Variants in ANKS1B observed in about 807,000 individuals in gnomAD.
The protein encoded by ANKS1B is ankyrin repeat and sterile alpha motif domain-containing protein 1B.
A neutral mutation model predicts 148.3 loss-of-function variants in ANKS1B; 36 were observed. The observed-to-expected ratio is 0.24, with a 90% CI of 0.19 to 0.32. The LOEUF (loss-of-function observed/expected upper bound fraction) is 0.32. Among genes scored for constraint, ANKS1B ranks in the 10% least tolerant of loss-of-function variants. The probability of loss-of-function intolerance (pLI) is 1.00; values close to 1 mark genes in which losing one functional copy is unlikely to be tolerated. For synonymous variants in ANKS1B, 542 were observed against 560.8 expected (o/e 0.97, Z 0.47); for missense variants, 1,157 against 1,542.6 (o/e 0.75, Z 4.19).
chr12:99,247,529 C>A (rs986708284), intron 12 of ANKS1B, among the ~76,000 whole-genome samples: 1 of 152,094 alleles, frequency 6.6e-6, no homozygotes, highest in African/African-American at 2.4e-5. Flanking sequence ...TAGCTATGAA[C>A]ACAAAGGTAG....
In ANKS1B at chr12:99,655,136, T is replaced by G; in HGVS notation, c.1203A>C (p.Pro401=). ...GAGTTAATGCTTCCCAAAGTCCTGATGGCCCACACGTATTTTCATCATCAT... is the reference window on the plus strand; with the variant it reads ...GAGTTAATGCTTCCCAAAGTCCTGAGGGCCCACACGTATTTTCATCATCAT... ...EEDDDENTCG[P]SGLWEALTPC... is the part of the protein sequence containing the mutation. Residue 401 remains proline (P), a synonymous_variant, in exon 9 of 27, where the codon CCA becomes CCC. Transcript: ENST00000683438. The G allele has an allele frequency of 1.2e-6, 2 of 1,612,986 alleles. No homozygotes were observed. The highest frequency in any genetic ancestry group is 8.5e-7 in the Non-Finnish European group (1 of 1,179,300).
At chr12:98,952,900 C>T (rs2099856217) in intron 17 of ANKS1B, among the ~76,000 whole-genome samples, 1 of 152,116 alleles carries the variant, frequency 6.6e-6, no homozygotes, top group Non-Finnish European at 1.5e-5. Flanking sequence ...ATCCCACTGC[C>T]CATGCTGGAG....
chr12:98,801,141 A>T lies in ANKS1B; in HGVS notation c.3142-16T>A, dbSNP rs2099001822. 1.2e-6 allele frequency: 2 copies of T among 1,610,622 alleles called. No homozygotes were observed. The highest frequency in any genetic ancestry group is 1.7e-5 in the Admixed American group (1 of 59,704). On this transcript the variant is annotated splice_polypyrimidine_tract_variant and intron_variant, in intron 20 of 26. Coordinates refer to ENST00000683438, the MANE Select transcript of ANKS1B (RefSeq NM_001352186.2). The surrounding 1 kb of genome is among the most constrained non-coding windows in gnomAD (Gnocchi z 5.2). ...AGTCTCCTGTCTGAAAATGACATTT[A>T]TTCTAGAGGCAATATGAGCAGTCAG...
intron 1 of ANKS1B, among the ~76,000 whole-genome samples, chr12:99,871,833 G>A (rs2153729040): frequency 6.6e-6 from 1 of 152,096 alleles, no homozygotes; most frequent in South Asian, 2.1e-4. Flanking sequence ...AATGTTCTAG[G>A]TATAGAATCA....
intron 17 of ANKS1B, among the ~76,000 whole-genome samples, chr12:98,838,349 AAC>A (rs1325083022): frequency 6.6e-6 from 1 of 152,252 alleles, no homozygotes; most frequent in Non-Finnish European, 1.5e-5. Flanking sequence ...GTCATGTAGC[AAC>A]AGTCTGTCTC....
chr12:99,212,679 CTT>C (rs528330428), intron 14 of ANKS1B, among the ~76,000 whole-genome samples: 4 of 152,166 alleles, frequency 2.6e-5, no homozygotes, highest in African/African-American at 9.7e-5. Context: ...TTTATACTAA[CTT>C]ATCATTTTTG....
At chr12:98,878,244 C>A (rs2099696744) in intron 17 of ANKS1B, among the ~76,000 whole-genome samples, 2 of 150,218 alleles carry the variant, frequency 1.3e-5, no homozygotes, top group Admixed American at 1.3e-4. Flanking sequence ...AAAAAAAACA[C>A]CTCACTCTGG....
intron 9 of ANKS1B, among the ~76,000 whole-genome samples, chr12:99,578,237 T>A (rs2097537081): frequency 1.3e-5 from 2 of 152,192 alleles, no homozygotes; most frequent in African/African-American, 4.8e-5. Flanking sequence ...AAGAGTCATC[T>A]ATGACAAACC....
intron 15 of ANKS1B, among the ~76,000 whole-genome samples, chr12:99,095,757 G>T (rs898002339): frequency 6.6e-6 from 1 of 152,170 alleles, no homozygotes; most frequent in African/African-American, 2.4e-5. Flanking sequence ...AAGAATAGCA[G>T]AGAAGGGATA....
intron 24 of ANKS1B, 146 bp from the exon 25 acceptor site, chr12:98,773,325 T>C (rs1321830379): frequency 1.8e-5 from 16 of 882,124 alleles, no homozygotes; most frequent in Middle Eastern, 3.2e-4. Flanking sequence ...ACTATATTAT[T>C]TGTGGGTAAA....
At chr12:99,349,849 C>T (rs977664309) in intron 12 of ANKS1B, among the ~76,000 whole-genome samples, 4 of 151,954 alleles carry the variant, frequency 2.6e-5, no homozygotes, top group Non-Finnish European at 4.4e-5. Flanking sequence ...AAATACAGAA[C>T]ATTCTCTGGA....
chr12:98,980,772 T>C (rs953495145), intron 17 of ANKS1B, among the ~76,000 whole-genome samples: 3 of 152,184 alleles, frequency 2.0e-5, no homozygotes, highest in African/African-American at 7.2e-5. Flanking sequence ...GCCCCTCAGC[T>C]TCTAGCCTGA....
rs185289755 is a variant in ANKS1B, at chr12:99,665,279, T to A, written c.1129-10069A>T. 4.3e-3 allele frequency among the ~76,000 whole-genome samples: 658 copies of A among 152,300 alleles called. 17 individuals carry two copies. The highest frequency in any genetic ancestry group is 1.1e-3 in the Non-Finnish European group (74 of 68,024). On this transcript the variant is annotated intron_variant, in intron 8 of 26. Coordinates refer to ENST00000683438, the MANE Select transcript of ANKS1B (RefSeq NM_001352186.2). ...CTCCACATTCTTGGCAACACTTAAT[T>A]TTAGTTATTCTAATGGGTATGCATG...
intron 11 of ANKS1B, among the ~76,000 whole-genome samples, chr12:99,424,293 T>C (rs1309097123): frequency 1.3e-5 from 2 of 152,132 alleles, no homozygotes; most frequent in Admixed American, 6.5e-5. Flanking sequence ...CCATGAAGGA[T>C]TGAAAGATTC....
intron 25 of ANKS1B, among the ~76,000 whole-genome samples, chr12:98,762,815 T>G (rs993603988): frequency 6.6e-6 from 1 of 152,264 alleles, no homozygotes; most frequent in Non-Finnish European, 1.5e-5. Flanking sequence ...ATTCCCCCAG[T>G]TGACTGAGCT....
chr12:98,807,514 G>GTATA (rs61337017), intron 20 of ANKS1B, among the ~76,000 whole-genome samples: 21 of 150,658 alleles, frequency 1.4e-4, no homozygotes, highest in Middle Eastern at 3.5e-3. Context: ...ATACATGTGT[G>GTATA]TATATATATA....
intron 9 of ANKS1B, among the ~76,000 whole-genome samples, chr12:99,531,774 G>T (rs1180441546): frequency 6.6e-6 from 1 of 152,160 alleles, no homozygotes; most frequent in Non-Finnish European, 1.5e-5. Flanking sequence ...CTGAAAAGTT[G>T]CCACACTGTT....
At chr12:99,295,674 T>TG (rs1208502128) in intron 12 of ANKS1B, among the ~76,000 whole-genome samples, 2 of 152,172 alleles carry the variant, frequency 1.3e-5, no homozygotes, top group Admixed American at 1.3e-4. Context: ...ACTTGCGTCA[T>TG]GGGGGTTTGT....
chr12:99,201,475 T>C (rs373261378), intron 14 of ANKS1B, among the ~76,000 whole-genome samples: 7 of 152,196 alleles, frequency 4.6e-5, no homozygotes, highest in East Asian at 3.9e-4. Flanking sequence ...GGTATAGATT[T>C]AGTTTTTTAA....
Sources: gnomAD v4.1 joint callset for allele counts (sites outside exome capture counted in the v4.1 genomes callset) on GRCh38, gnomAD v4.1.1 for gene constraint, Gnocchi (gnomAD v3.1) non-coding constraint, MANE v1.5 for transcripts, NCBI Gene and HGNC (gene_info 2026-07-23, HGNC 2026-07-21) for gene names.